Variants in ATP8A1 observed in about 807,000 individuals in gnomAD.
ATP8A1 encodes ATPase phospholipid transporting 8A1.
In ATP8A1, 90 loss-of-function variants were observed where a neutral mutation model predicts 177.7. That is an observed-to-expected ratio of 0.51 (90% CI 0.43 to 0.60). The LOEUF (loss-of-function observed/expected upper bound fraction) is 0.60, where lower values mean the gene tolerates loss of function less well. Ranked by LOEUF, ATP8A1 falls within the 20% of genes least tolerant of loss-of-function variation. The probability of loss-of-function intolerance (pLI) is 0.00; values close to 1 mark genes in which losing one functional copy is unlikely to be tolerated. For missense variants in ATP8A1, 1,072 were observed against 1,392.8 expected (o/e 0.77, Z 3.67); for synonymous variants, 493 against 485.9 (o/e 1.01, Z -0.19).
intron 1 of ATP8A1, among the ~76,000 whole-genome samples, chr4:42,652,562 T>C (rs1741199889): frequency 6.6e-6 from 1 of 152,198 alleles, no homozygotes; most frequent in Non-Finnish European, 1.5e-5. Flanking sequence ...CAAAGTCCTA[T>C]AATATGATTG....
intron 27 of ATP8A1, among the ~76,000 whole-genome samples, chr4:42,460,338 T>C (rs1344091427): frequency 2.0e-5 from 3 of 150,290 alleles, no homozygotes. Flanking sequence ...CTTCTCAGAG[T>C]AAAGGATAGA....
chr4:42,594,840 G>A (rs1438201545), intron 6 of ATP8A1, among the ~76,000 whole-genome samples: 2 of 152,118 alleles, frequency 1.3e-5, no homozygotes, highest in African/African-American at 4.8e-5. Context: ...ATCATGGGGA[G>A]TTGAAGAGCT....
chr4:42,440,977 G>T (rs1469316567), intron 33 of ATP8A1, among the ~76,000 whole-genome samples: 4 of 152,158 alleles, frequency 2.6e-5, no homozygotes, highest in Non-Finnish European at 5.9e-5. Context: ...AAAGGACTGG[G>T]ATCCTGGGGA....
At chr4:42,415,391 T>C (rs1223526796) in intron 35 of ATP8A1, among the ~76,000 whole-genome samples, 1 of 152,184 alleles carries the variant, frequency 6.6e-6, no homozygotes, top group Non-Finnish European at 1.5e-5. Flanking sequence ...TCTCCTCAGA[T>C]ACAAATCCAG....
chr4:42,437,342 C>T (rs893628224), intron 33 of ATP8A1, among the ~76,000 whole-genome samples: 3 of 152,128 alleles, frequency 2.0e-5, no homozygotes, highest in African/African-American at 7.2e-5. Context: ...GAAAAGCAGG[C>T]CAACATATGT....
intron 1 of ATP8A1, among the ~76,000 whole-genome samples, chr4:42,631,198 G>A (rs1231624067): frequency 6.6e-6 from 1 of 152,144 alleles, no homozygotes; most frequent in Non-Finnish European, 1.5e-5. Flanking sequence ...TTGTTACATG[G>A]TAAGTTACCT....
chr4:42,623,525 C>T lies in ATP8A1; in HGVS notation c.363+1011G>A, dbSNP rs180927732. ...AATACTATGCAGCCATAAAAAAGAACGAGATCATGTCCTTTGCAGGGACAT... is the reference window on the plus strand; with the variant it reads ...AATACTATGCAGCCATAAAAAAGAATGAGATCATGTCCTTTGCAGGGACAT... On this transcript the variant is annotated intron_variant, in intron 4 of 36. Transcript: ENST00000381668. Among the ~76,000 whole-genome samples the T allele has an allele frequency of 2.1e-3, 318 of 152,192 alleles. 2 individuals are homozygous for T. Among genetic ancestry groups the T allele is most frequent in the Non-Finnish European group, 3.4e-3 (232 of 68,002 alleles).
At chr4:42,636,119 TACACACACACACACACACACAC>T (rs544619447) in intron 1 of ATP8A1, among the ~76,000 whole-genome samples, 5 of 79,090 alleles carry the variant, frequency 6.3e-5, no homozygotes, top group South Asian at 4.7e-4. Context: ...ATGGGCTTAA[TACACACACACACACACACACAC>T]ACACACACAC....
intron 25 of ATP8A1, among the ~76,000 whole-genome samples, chr4:42,477,047 A>G (rs562767618): frequency 6.6e-6 from 1 of 152,316 alleles, no homozygotes; most frequent in Non-Finnish European, 1.5e-5. Context: ...TTGTGTGTAT[A>G]TTTACTGATG....
At chr4:42,414,937 A>G (rs1040999613) in intron 35 of ATP8A1, 1 of 515,064 alleles carries the variant, frequency 1.9e-6, no homozygotes, top group Non-Finnish European at 3.5e-6. Context: ...TTTGGTCCCC[A>G]ATAATCCTTC....
intron 33 of ATP8A1, among the ~76,000 whole-genome samples, chr4:42,431,082 G>A (rs1417848668): frequency 1.3e-5 from 2 of 152,010 alleles, no homozygotes; most frequent in African/African-American, 4.8e-5. Context: ...TTTCTTTCAT[G>A]GTTGTATTCC....
At chr4:42,533,594 C>G (rs78971051) in intron 20 of ATP8A1, among the ~76,000 whole-genome samples, 1 of 152,152 alleles carries the variant, frequency 6.6e-6, no homozygotes, top group East Asian at 1.9e-4. Flanking sequence ...CAAAGGACAT[C>G]TCTTGGGAGC....
intron 25 of ATP8A1, among the ~76,000 whole-genome samples, chr4:42,468,059 T>TA (rs904065288): frequency 2.6e-5 from 4 of 151,958 alleles, no homozygotes; most frequent in South Asian, 2.1e-4. Context: ...ATGGCCATAA[T>TA]AAAAAAATCA....
chr4:42,642,323 G>C (rs1263420790), intron 1 of ATP8A1, among the ~76,000 whole-genome samples: 1 of 152,144 alleles, frequency 6.6e-6, no homozygotes, highest in Non-Finnish European at 1.5e-5. Flanking sequence ...GAATGGGTGT[G>C]GCTCTGGGAT....
intron 2 of ATP8A1, chr4:42,625,915 A>ATT (rs56082708): frequency 4.3e-4 from 133 of 311,220 alleles, no homozygotes; most frequent in Middle Eastern, 2.7e-3. Context: ...AATACCACAG[A>ATT]TTTTTTTTTT....
intron 11 of ATP8A1, 22 bp downstream of exon 11, chr4:42,579,791 C>T: frequency 6.3e-7 from 1 of 1,589,124 alleles, no homozygotes. Context: ...TAAAAAAGTG[C>T]AGTAAGCACT....
chr4:42,443,948 CT>C (rs1487976792), intron 32 of ATP8A1, among the ~76,000 whole-genome samples: 1 of 152,092 alleles, frequency 6.6e-6, no homozygotes, highest in Non-Finnish European at 1.5e-5. Flanking sequence ...TTTTTTACCC[CT>C]GAACATTTGG....
At chr4:42,462,305 A>C (rs1719256419) in intron 27 of ATP8A1, among the ~76,000 whole-genome samples, 1 of 152,242 alleles carries the variant, frequency 6.6e-6, no homozygotes, top group African/African-American at 2.4e-5. Flanking sequence ...CCAGAGGCCT[A>C]CAAGGAAAAA....
rs1281003373 is a variant in ATP8A1 at position 42,577,920 on chromosome 4, GAAAATAAGTTTC to G, written c.1128+328_1128+339del. On this transcript the variant is annotated intron_variant, in intron 12 of 36. Coordinates refer to ENST00000381668, the MANE Select transcript of ATP8A1 (RefSeq NM_006095.2). ...ATATTATCCCTATGATTGTGTTCAA[GAAAATAAGTTTC>G]AAAATAAGTGACTTGAGAAAGTTGA... 4.6e-5 allele frequency among the ~76,000 whole-genome samples: 7 copies of G among 152,242 alleles called. No individual in the cohort carries two copies. The East Asian group carries it at 1.3e-3, about 29-fold the overall frequency.
Sources: gnomAD v4.1 joint callset for allele counts (sites outside exome capture counted in the v4.1 genomes callset) on GRCh38, gnomAD v4.1.1 for gene constraint, MANE v1.5 for transcripts, NCBI Gene and HGNC (gene_info 2026-07-23, HGNC 2026-07-21) for gene names.